Variants in NKAIN2 observed in about 807,000 individuals in gnomAD.
The protein encoded by NKAIN2 is sodium/potassium transporting ATPase interacting 2.
A neutral mutation model predicts 32.6 loss-of-function variants in NKAIN2; 14 were observed. That is an observed-to-expected ratio of 0.43 (90% CI 0.28 to 0.67). The LOEUF is 0.67. Ranked by LOEUF, NKAIN2 falls within the 30% of genes least tolerant of loss-of-function variation. The probability of loss-of-function intolerance (pLI) is 0.17; values close to 1 mark genes in which losing one functional copy is unlikely to be tolerated. For synonymous variants in NKAIN2, 80 were observed against 87.2 expected, an observed-to-expected ratio of 0.92 and a Z score of 0.46; for missense variants, 198 against 258.3, an observed-to-expected ratio of 0.77 and a Z score of 1.60.
chr6:124,737,117 G>T (rs1483279490), intron 4 of NKAIN2, among the ~76,000 whole-genome samples: 1 of 151,854 alleles, frequency 6.6e-6, no homozygotes, highest in Non-Finnish European at 1.5e-5. Context: ...CCTCATGGAT[G>T]AATTTGAGGG....
At chr6:124,278,597 T>A in intron 1 of NKAIN2, among the ~76,000 whole-genome samples, 1 of 145,668 alleles carries the variant, frequency 6.9e-6, no homozygotes, top group Non-Finnish European at 1.5e-5. Flanking sequence ...TATATACATA[T>A]ATATATACAT....
chr6:124,583,270 A>G (rs2114944165), intron 3 of NKAIN2, among the ~76,000 whole-genome samples: 1 of 151,944 alleles, frequency 6.6e-6, no homozygotes, highest in South Asian at 2.1e-4. Flanking sequence ...CACATTCAGT[A>G]ATGTGGCAGG....
chr6:124,105,799 G>A (rs995941811), intron 1 of NKAIN2, among the ~76,000 whole-genome samples: 8 of 152,066 alleles, frequency 5.3e-5, no homozygotes, highest in African/African-American at 1.9e-4. Flanking sequence ...TTGTAAGAGG[G>A]AATTCATAAG....
chr6:124,362,427 A>G (rs1799328401), intron 3 of NKAIN2, among the ~76,000 whole-genome samples: 1 of 152,196 alleles, frequency 6.6e-6, no homozygotes, highest in Non-Finnish European at 1.5e-5. Context: ...TTCATGAATT[A>G]AACTGATTAT....
At chr6:123,834,264 C>G (rs1774516301) in intron 1 of NKAIN2, among the ~76,000 whole-genome samples, 1 of 152,152 alleles carries the variant, frequency 6.6e-6, no homozygotes, top group African/African-American at 2.4e-5. Flanking sequence ...AAGTGAGTCT[C>G]CTGCCTCAGC....
At chr6:124,359,926 T>G (rs1799192447) in intron 3 of NKAIN2, among the ~76,000 whole-genome samples, 1 of 152,192 alleles carries the variant, frequency 6.6e-6, no homozygotes, top group Non-Finnish European at 1.5e-5. Context: ...AGATAACTCT[T>G]ATTATTTTGA....
chr6:124,815,225 C>CACATATATATATAT (rs376199421), intron 5 of NKAIN2, among the ~76,000 whole-genome samples: 3 of 136,998 alleles, frequency 2.2e-5, no homozygotes, highest in East Asian at 4.1e-4. Flanking sequence ...TATATATATA[C>CACATATATATATAT]ATATATATAT....
intron 4 of NKAIN2, among the ~76,000 whole-genome samples, chr6:124,754,516 C>T (rs1370043648): frequency 6.6e-6 from 1 of 151,616 alleles, no homozygotes; most frequent in Non-Finnish European, 1.5e-5. Context: ...TATATGTGGC[C>T]AACAATTATG....
chr6:124,195,588 G>C (rs986850338), intron 1 of NKAIN2, among the ~76,000 whole-genome samples: 39 of 152,094 alleles, frequency 2.6e-4, no homozygotes, highest in African/African-American at 9.2e-4. Context: ...TTGTCCAAAG[G>C]CAGTGAAGTC....
intron 4 of NKAIN2, among the ~76,000 whole-genome samples, chr6:124,706,897 T>G (rs1775106045): frequency 1.3e-5 from 2 of 152,146 alleles, no homozygotes; most frequent in Non-Finnish European, 2.9e-5. Flanking sequence ...TTGTGCAGGT[T>G]AGTTACATAT....
intron 3 of NKAIN2, among the ~76,000 whole-genome samples, chr6:124,558,010 C>T (rs1179699118): frequency 2.0e-5 from 3 of 152,156 alleles, no homozygotes; most frequent in Non-Finnish European, 2.9e-5. Flanking sequence ...CAATGCATTG[C>T]TTTTTAGATC....
intron 1 of NKAIN2, among the ~76,000 whole-genome samples, chr6:124,029,184 T>A (rs1172728501): frequency 6.6e-6 from 1 of 151,864 alleles, no homozygotes; most frequent in Non-Finnish European, 1.5e-5. Flanking sequence ...TCTACTATTG[T>A]TTAACAATTA....
intron 1 of NKAIN2, among the ~76,000 whole-genome samples, chr6:123,940,844 A>T (rs988818740): frequency 7.9e-5 from 12 of 152,078 alleles, no homozygotes; most frequent in Non-Finnish European, 1.5e-4. Flanking sequence ...AAATTTATTT[A>T]AAAAATTTTT....
intron 1 of NKAIN2, among the ~76,000 whole-genome samples, chr6:124,128,393 A>T (rs1786291383): frequency 6.6e-6 from 1 of 152,254 alleles, no homozygotes; most frequent in African/African-American, 2.4e-5. Flanking sequence ...AAATCTAAAT[A>T]GTCACATGTA....
chr6:123,839,499 A>C (rs1229332434), intron 1 of NKAIN2, among the ~76,000 whole-genome samples: 1 of 152,136 alleles, frequency 6.6e-6, no homozygotes, highest in Non-Finnish European at 1.5e-5. Context: ...ACACAAAATA[A>C]GCATTTCGTT....
At chr6:123,944,123 G>C (rs1776956865) in intron 1 of NKAIN2, among the ~76,000 whole-genome samples, 1 of 151,942 alleles carries the variant, frequency 6.6e-6, no homozygotes, top group South Asian at 2.1e-4. Context: ...TCAGTCCTTT[G>C]TTCTTCTTCA....
intron 1 of NKAIN2, among the ~76,000 whole-genome samples, chr6:123,884,544 ATAGAT>A (rs906660473): frequency 6.6e-6 from 1 of 152,172 alleles, no homozygotes; most frequent in African/African-American, 2.4e-5. Context: ...CCCTAACACC[ATAGAT>A]TAGTTTAATT....
chr6:123,935,343 C>CA (rs1776451112), intron 1 of NKAIN2, among the ~76,000 whole-genome samples: 2 of 151,374 alleles, frequency 1.3e-5, no homozygotes, highest in South Asian at 2.1e-4. Context: ...TCATGACTGT[C>CA]AAAGCCATTA....
At chr6:124,535,851 G>A (rs536758988) in intron 3 of NKAIN2, among the ~76,000 whole-genome samples, 1 of 152,342 alleles carries the variant, frequency 6.6e-6, no homozygotes, top group South Asian at 2.1e-4. Context: ...AGTTCAGGAA[G>A]ACAGACCTGT....
Sources: allele counts gnomAD v4.1 joint callset (sites outside exome capture counted in the v4.1 genomes callset), GRCh38; gene constraint gnomAD v4.1.1; transcripts MANE v1.5; gene names NCBI Gene and HGNC (gene_info 2026-07-23, HGNC 2026-07-21).